The following PCBD2 variants were observed in gnomAD, a reference collection of about 807,000 sequenced individuals.
The protein encoded by PCBD2 is pterin-4-alpha-carbinolamine dehydratase 2.
PCBD2 carries 12 observed loss-of-function variants against 16.4 expected under a neutral mutation model. The observed-to-expected ratio is 0.73, with a 90% CI of 0.47 to 1.19. The LOEUF is 1.19. Among genes scored for constraint, PCBD2 ranks in the 50% most tolerant of loss-of-function variants. PCBD2 has a pLI of 0.00. For missense variants in PCBD2, 138 were observed against 156.8 expected, an observed-to-expected ratio of 0.88 and a Z score of 0.64; for synonymous variants, 58 against 61.8, an observed-to-expected ratio of 0.94 and a Z score of 0.29.
chr5:134,956,892 C>A (rs1751421624), intron 2 of PCBD2, among the ~76,000 whole-genome samples: 1 of 152,160 alleles, frequency 6.6e-6, no homozygotes, highest in South Asian at 2.1e-4. Context: ...GTGCTAAGTA[C>A]CTTTATATAC....
At chr5:134,907,380 A>T (rs1750708328) in intron 1 of PCBD2, among the ~76,000 whole-genome samples, 1 of 152,012 alleles carries the variant, frequency 6.6e-6, no homozygotes, top group Admixed American at 6.6e-5. Flanking sequence ...AGTAGCTGAG[A>T]CTATAGGCGC....
chr5:134,921,771 T>C (rs578215235), intron 2 of PCBD2, among the ~76,000 whole-genome samples: 1 of 152,332 alleles, frequency 6.6e-6, no homozygotes, highest in African/African-American at 2.4e-5. Context: ...TTCACAGGAC[T>C]GTGCTGCTGG....
chr5:134,940,003 A>G (rs915127742), intron 2 of PCBD2, among the ~76,000 whole-genome samples: 5 of 151,980 alleles, frequency 3.3e-5, no homozygotes, highest in African/African-American at 1.2e-4. Context: ...ACACAGCGGG[A>G]AGAACACCTA....
chr5:134,943,122 C>A (rs1353223231), intron 2 of PCBD2, among the ~76,000 whole-genome samples: 1 of 152,096 alleles, frequency 6.6e-6, no homozygotes, highest in Non-Finnish European at 1.5e-5. Flanking sequence ...ACTTCTGGTA[C>A]ATGGATTAAT....
intron 2 of PCBD2, among the ~76,000 whole-genome samples, chr5:134,916,558 C>CT (rs1750835598): frequency 6.6e-6 from 1 of 152,160 alleles, no homozygotes; most frequent in Admixed American, 6.6e-5. Context: ...GATGAAAAAC[C>CT]TATTTCTTGA....
rs1751466237 is a variant in PCBD2 at position 134,960,805 on chromosome 5, C to CA, written c.*124_*125insA. 1.4e-5 allele frequency: 11 copies of CA among 796,018 alleles called. No homozygotes were observed. The highest frequency in any genetic ancestry group is 2.2e-5 in the Non-Finnish European group (11 of 503,454). The allele number at this position is 796,018 out of a possible 1,614,324, so 49.3% of individuals were successfully genotyped here. The stretch of plus-strand genomic sequence containing the variant: ...TTTTTAAGACAGAGTGTTGCTCTGT[C>CA]GCCCAGGCCAGAGTGCAGTGGTATG... On this transcript the variant is annotated 3_prime_UTR_variant, in exon 4 of 4. Transcript: ENST00000254908.
chr5:134,911,685 T>G (rs1404437867), intron 2 of PCBD2, among the ~76,000 whole-genome samples: 1 of 152,190 alleles, frequency 6.6e-6, no homozygotes, highest in African/African-American at 2.4e-5. Context: ...TCGGCATGTT[T>G]TCCTAGTAAA....
chr5:134,952,062 T>A (rs1751364573), intron 2 of PCBD2, among the ~76,000 whole-genome samples: 2 of 152,100 alleles, frequency 1.3e-5, no homozygotes, highest in African/African-American at 2.4e-5. Context: ...TCTTGTTAAG[T>A]TACTCTTAGA....
chr5:134,931,584 G>A (rs563317102), intron 2 of PCBD2, among the ~76,000 whole-genome samples: 29 of 152,284 alleles, frequency 1.9e-4, no homozygotes, highest in African/African-American at 7.0e-4. Context: ...AAGTTAAAGA[G>A]CTTGCTCAAA....
At chr5:134,923,995 TA>T (rs1269286354) in intron 2 of PCBD2, 6 of 394,658 alleles carry the variant, frequency 1.5e-5, no homozygotes, top group Non-Finnish European at 2.2e-5. Context: ...GGGAGGTCGA[TA>T]AATGAGCGGT....
At chr5:134,940,410 C>T (rs1287310751) in intron 2 of PCBD2, among the ~76,000 whole-genome samples, 1 of 152,038 alleles carries the variant, frequency 6.6e-6, no homozygotes, top group Non-Finnish European at 1.5e-5. Flanking sequence ...GCCCACATCC[C>T]ATAGTCATGG....
chr5:134,935,287 C>T (rs991244006), intron 2 of PCBD2, among the ~76,000 whole-genome samples: 1 of 152,228 alleles, frequency 6.6e-6, no homozygotes, highest in Admixed American at 6.5e-5. Flanking sequence ...GACTGCGCCA[C>T]TGCATCTGCC....
chr5:134,905,338 T>A, intron 1 of PCBD2, 115 bp downstream of exon 1: 1 of 962,156 alleles, frequency 1.0e-6, no homozygotes, highest in Non-Finnish European at 1.3e-6. Context: ...GGGCCGAGCC[T>A]TGGAGCTCGG....
At chr5:134,946,641 A>C (rs901466321) in intron 2 of PCBD2, among the ~76,000 whole-genome samples, 3 of 152,224 alleles carry the variant, frequency 2.0e-5, no homozygotes, top group Admixed American at 2.0e-4. Context: ...ATATTTTGTG[A>C]TGTGAAATGG....
chr5:134,925,021 A>G lies in PCBD2; in HGVS notation c.216+14555A>G, dbSNP rs182133130. On this transcript the variant is annotated intron_variant, in intron 2 of 3. Transcript: ENST00000254908. ...GAGTTTTAAGTAAAGTGGGATTGTC[A>G]TTTGGGGGGTGGATGTGGGGAGAAT... 585 of 394,684 alleles carry G rather than the reference A, an allele frequency of 1.5e-3. 2 individuals are homozygous for G. Among genetic ancestry groups the G allele is most frequent in the Non-Finnish European group, 2.2e-3 (485 of 224,040 alleles). 24.4% of individuals were successfully genotyped at this position (394,684 alleles called of 1,614,324 possible).
chr5:134,911,153 A>C (rs1439306309), intron 2 of PCBD2, among the ~76,000 whole-genome samples: 1 of 152,138 alleles, frequency 6.6e-6, no homozygotes, highest in Non-Finnish European at 1.5e-5. Context: ...TACCTGCTTG[A>C]CTTATTTTCC....
chr5:134,906,828 A>C (rs1214811973), intron 1 of PCBD2, among the ~76,000 whole-genome samples: 1 of 152,212 alleles, frequency 6.6e-6, no homozygotes, highest in Non-Finnish European at 1.5e-5. Context: ...CCACAGCTAA[A>C]AGTAACAAAG....
intron 2 of PCBD2, among the ~76,000 whole-genome samples, chr5:134,918,181 C>G (rs531110577): frequency 1.3e-5 from 2 of 152,116 alleles, no homozygotes; most frequent in Non-Finnish European, 2.9e-5. Flanking sequence ...AAAGAGGATG[C>G]CTGTGGCCTG....
At chr5:134,944,663 G>A (rs1751270485) in intron 2 of PCBD2, among the ~76,000 whole-genome samples, 1 of 152,072 alleles carries the variant, frequency 6.6e-6, no homozygotes, top group South Asian at 2.1e-4. Flanking sequence ...TGGAATTCTT[G>A]GACTGTTTTC....
Sources: gnomAD v4.1 joint callset for allele counts (sites outside exome capture counted in the v4.1 genomes callset) on GRCh38, gnomAD v4.1.1 for gene constraint, MANE v1.5 for transcripts, NCBI Gene and HGNC (gene_info 2026-07-23, HGNC 2026-07-21) for gene names.